PRORP: variants seen among roughly 807,000 people sequenced by gnomAD.
The protein encoded by PRORP is protein only RNase P catalytic subunit.
A neutral mutation model predicts 59.4 loss-of-function variants in PRORP; 51 were observed. The ratio of observed to expected loss-of-function variants is 0.86; its 90% CI spans 0.69 to 1.08. The LOEUF is 1.08. Ranked by LOEUF, PRORP falls within the 50% of genes least tolerant of loss-of-function variation. PRORP has a pLI of 0.00. For missense variants in PRORP, 646 were observed against 690.3 expected (o/e 0.94, Z 0.72); for synonymous variants, 231 against 245.6 (o/e 0.94, Z 0.55).
chr14:35,210,974 T>C (rs1472463219), intron 5 of PRORP, among the ~76,000 whole-genome samples: 1 of 151,916 alleles, frequency 6.6e-6, no homozygotes, highest in Non-Finnish European at 1.5e-5. Flanking sequence ...GGTCTTACTA[T>C]GTTGCCCAGG....
rs561663036 is a variant in PRORP at position 35,262,794 on chromosome 14, G to T, written c.1276-3933G>T. On this transcript the variant is annotated intron_variant, in intron 5 of 7. Transcript: ENST00000534898. The stretch of plus-strand genomic sequence containing the variant: ...TATCCAGGAGAATGGGTCTCTTGTT[G>T]AAATCTGAAATTTCTTGGGTGAAAA... 1.9e-5 allele frequency: 26 copies of T among 1,336,438 alleles called. No homozygotes were observed. In the South Asian group the frequency reaches 2.7e-4, roughly 14 times the overall value. The allele number at this position is 1,336,438 out of a possible 1,614,324, so 82.8% of individuals were successfully genotyped here. A position where few individuals can be genotyped will look rare whatever the true frequency, so the allele number is the denominator to read the frequency against.
At chr14:35,188,757 C>G (rs10130318) in intron 5 of PRORP, among the ~76,000 whole-genome samples, 4,589 of 151,622 alleles carry the variant, frequency 0.03, 203 homozygotes, top group African/African-American at 0.1. Flanking sequence ...ACAGGCAGAT[C>G]ACGAGGTCAA....
At chr14:35,181,783 CAAAAA>C (rs71121270) in intron 5 of PRORP, among the ~76,000 whole-genome samples, 5 of 109,400 alleles carry the variant, frequency 4.6e-5, no homozygotes, top group Admixed American at 1.0e-4. Context: ...AAAACTGTCT[CAAAAA>C]AAAAAAAAAA....
intron 4 of PRORP, among the ~76,000 whole-genome samples, chr14:35,136,244 G>A (rs759125738): frequency 6.6e-6 from 1 of 152,112 alleles, no homozygotes; most frequent in Non-Finnish European, 1.5e-5. Context: ...TCAGGTTTTC[G>A]GCTTGGGTGA....
At chr14:35,213,019 G>A (rs533012153) in intron 5 of PRORP, among the ~76,000 whole-genome samples, 6 of 152,304 alleles carry the variant, frequency 3.9e-5, no homozygotes, top group Non-Finnish European at 8.8e-5. Flanking sequence ...ATGTCATGGA[G>A]ATGCCTACTT....
At chr14:35,216,117 TATATATA>T (rs1190224800) in intron 5 of PRORP, among the ~76,000 whole-genome samples, 1 of 147,888 alleles carries the variant, frequency 6.8e-6, no homozygotes, top group Non-Finnish European at 1.5e-5. Flanking sequence ...TATTTATATT[TATATATA>T]ATATATAATA....
chr14:35,257,393 T>G (rs2050788862), intron 5 of PRORP, among the ~76,000 whole-genome samples: 1 of 152,112 alleles, frequency 6.6e-6, no homozygotes, highest in South Asian at 2.1e-4. Context: ...CAACCACCAT[T>G]CTATGCTGTC....
At chr14:35,261,748 T>A (rs2050910011) in intron 5 of PRORP, among the ~76,000 whole-genome samples, 13 of 151,816 alleles carry the variant, frequency 8.6e-5, no homozygotes, top group Admixed American at 8.5e-4. Flanking sequence ...ACAAACAAAC[T>A]ATTCCAAGTA....
At chr14:35,158,591 G>A in intron 4 of PRORP, 1 of 297,636 alleles carries the variant, frequency 3.4e-6, no homozygotes, top group Non-Finnish European at 6.8e-6. Flanking sequence ...TGAAGGAGCA[G>A]TGAAGTATAA....
chr14:35,189,973 G>A (rs1421690536), intron 5 of PRORP, among the ~76,000 whole-genome samples: 1 of 151,920 alleles, frequency 6.6e-6, no homozygotes. Context: ...GCTGGGTGTG[G>A]TGGCACTTTC....
At chr14:35,183,291 A>G (rs1277813995) in intron 5 of PRORP, among the ~76,000 whole-genome samples, 1 of 152,144 alleles carries the variant, frequency 6.6e-6, no homozygotes, top group Non-Finnish European at 1.5e-5. Flanking sequence ...TGGGGATAGA[A>G]TACTGTATAA....
At chr14:35,186,656 A>C (rs748858030) in intron 5 of PRORP, among the ~76,000 whole-genome samples, 12 of 150,424 alleles carry the variant, frequency 8.0e-5, no homozygotes, top group Admixed American at 2.0e-4. Flanking sequence ...GTAAGGGTGC[A>C]GTCATATCTC....
intron 4 of PRORP, among the ~76,000 whole-genome samples, chr14:35,156,402 A>G (rs7146682): frequency 0.41 from 61,703 of 152,086 alleles, 12,749 homozygotes; most frequent in African/African-American, 0.48. Context: ...ATGCATATGG[A>G]TTGAGCTACC....
chr14:35,136,300 C>T (rs2047370889), intron 4 of PRORP, among the ~76,000 whole-genome samples: 1 of 151,998 alleles, frequency 6.6e-6, no homozygotes, highest in Non-Finnish European at 1.5e-5. Context: ...CTTTTGTCAC[C>T]CTGGAAAGAT....
intron 5 of PRORP, chr14:35,262,712 A>C: frequency 1.2e-6 from 1 of 839,370 alleles, no homozygotes; most frequent in Non-Finnish European, 2.1e-6. Context: ...AGGGTGTTAC[A>C]CTGGGCTTCC....
Position 35,262,267 on chromosome 14 carries a change from A to C in PRORP, c.1276-4460A>C, listed in dbSNP as rs530802243. 3.2e-3 allele frequency among the ~76,000 whole-genome samples: 490 copies of C among 152,158 alleles called. 2 individuals are homozygous for C. Among genetic ancestry groups the C allele is most frequent in the African/African-American group, 0.011 (465 of 41,530 alleles). On this transcript the variant is annotated intron_variant, in intron 5 of 7. Transcript: ENST00000534898. ...CCTCAAGCAGTCCTCCTGCCTCAGC[A>C]TCCCAAAGTGCTGGGATTACAGGCC...
chr14:35,147,431 T>C (rs2047638943), intron 4 of PRORP, among the ~76,000 whole-genome samples: 1 of 152,148 alleles, frequency 6.6e-6, no homozygotes, highest in African/African-American at 2.4e-5. Flanking sequence ...TAGCCTCCAC[T>C]TCTCAGGCTC....
chr14:35,232,583 T>C (rs1388937416), intron 5 of PRORP, among the ~76,000 whole-genome samples: 5 of 152,206 alleles, frequency 3.3e-5, no homozygotes, highest in African/African-American at 1.2e-4. Context: ...CCACCCCTTT[T>C]TATTACTTAA....
chr14:35,234,881 G>A (rs979725922), intron 5 of PRORP, among the ~76,000 whole-genome samples: 12 of 151,178 alleles, frequency 7.9e-5, no homozygotes, highest in African/African-American at 2.7e-4. Context: ...ACAGAATCTC[G>A]CTTTGTTTCC....
Sources: allele counts gnomAD v4.1 joint callset (sites outside exome capture counted in the v4.1 genomes callset), GRCh38; gene constraint gnomAD v4.1.1; transcripts MANE v1.5; gene names NCBI Gene and HGNC (gene_info 2026-07-23, HGNC 2026-07-21).